GRIK4: variants seen among roughly 807,000 people sequenced by gnomAD.
GRIK4 encodes glutamate receptor ionotropic, kainate 4.
GRIK4 carries 40 observed loss-of-function variants against 104.9 expected under a neutral mutation model. The ratio of observed to expected loss-of-function variants is 0.38; its 90% CI spans 0.30 to 0.50. The LOEUF (loss-of-function observed/expected upper bound fraction) is 0.50. GRIK4 is among the 20% of genes least tolerant of loss of function. GRIK4 has a pLI of 0.93. For synonymous variants in GRIK4, 485 were observed against 524.9 expected (o/e 0.92, Z 1.04); for missense variants, 1,047 against 1,308.1 (o/e 0.80, Z 3.08).
intron 3 of GRIK4, among the ~76,000 whole-genome samples, chr11:120,766,953 A>G (rs1951851174): frequency 1.3e-5 from 2 of 152,142 alleles, no homozygotes; most frequent in African/African-American, 4.8e-5. Context: ...TTGTCTGCCA[A>G]TGGATATGTA....
At chr11:120,796,344 A>G (rs1190750706) in intron 3 of GRIK4, among the ~76,000 whole-genome samples, 7 of 152,130 alleles carry the variant, frequency 4.6e-5, no homozygotes, top group African/African-American at 1.7e-4. Context: ...CTTTTCCTGA[A>G]TATTTTCAAT....
intron 11 of GRIK4, among the ~76,000 whole-genome samples, chr11:120,892,747 T>C (rs1361324833): frequency 2.0e-5 from 3 of 152,178 alleles, no homozygotes; most frequent in Middle Eastern, 3.2e-3. Context: ...CATTCAGTTG[T>C]ACAGTCATCT....
Position 120,954,771 on chromosome 11 carries a change from C to G in GRIK4, c.1700+1807C>G, listed in dbSNP as rs189297649. Among the ~76,000 whole-genome samples, 886 of 145,258 alleles carry G rather than the reference C, an allele frequency of 6.1e-3. 10 individuals are homozygous for G. The highest frequency in any genetic ancestry group is 0.021 in the African/African-American group (839 of 39,346). Reference sequence around the variant, plus strand: ...TGCTAAAGGGCTAACCATACGGCCTCTCTCTCTCACTACACACACACACAC... The same window carrying G: ...TGCTAAAGGGCTAACCATACGGCCTGTCTCTCTCACTACACACACACACAC... On this transcript the variant is annotated intron_variant, in intron 15 of 20. Transcript: ENST00000527524.
At chr11:120,595,584 A>G (rs563970471) in intron 1 of GRIK4, among the ~76,000 whole-genome samples, 1 of 152,206 alleles carries the variant, frequency 6.6e-6, no homozygotes, top group African/African-American at 2.4e-5. Context: ...GACCTCTCAC[A>G]GTTTCTACTT....
chr11:120,731,748 G>T (rs940590268), intron 3 of GRIK4, among the ~76,000 whole-genome samples: 3 of 152,002 alleles, frequency 2.0e-5, no homozygotes, highest in Non-Finnish European at 4.4e-5. Flanking sequence ...CTTGTTATTG[G>T]TCTATTCAGG....
chr11:120,817,009 G>T (rs1037072856), intron 5 of GRIK4, among the ~76,000 whole-genome samples: 1 of 152,144 alleles, frequency 6.6e-6, no homozygotes, highest in African/African-American at 2.4e-5. Context: ...TCTTTCTTGC[G>T]GCACTCTGAG....
rs147139642 is a variant in GRIK4, at chr11:120,536,956, C to T, written c.-159+25069C>T. ...GGCGGCCAGGGGTTGAGGCCTAGGG[C>T]GTGCTCCCCATGCTCCACCCTGTGA... On this transcript the variant is annotated intron_variant, in intron 1 of 20. Transcript: ENST00000527524. Among the ~76,000 whole-genome samples, 872 of 152,330 alleles carry T rather than the reference C, an allele frequency of 5.7e-3. 12 individuals are homozygous for T. The highest frequency in any genetic ancestry group is 0.02 in the African/African-American group (823 of 41,566).
chr11:120,830,888 C>T (rs1015311999), intron 6 of GRIK4, among the ~76,000 whole-genome samples: 1 of 150,334 alleles, frequency 6.7e-6, no homozygotes, highest in Admixed American at 6.6e-5. Flanking sequence ...CATTTCCCTC[C>T]CCCACCCCAT....
At chr11:120,825,604 G>T (rs1046790360) in intron 6 of GRIK4, among the ~76,000 whole-genome samples, 1 of 152,184 alleles carries the variant, frequency 6.6e-6, no homozygotes, top group African/African-American at 2.4e-5. Context: ...GAGCAGACTT[G>T]GATCTCGAGG....
In GRIK4 at chr11:120,962,521, C is replaced by T. The variant is rs763030403; in HGVS notation, c.2106C>T (p.Phe702=). ...NYMYSKQPSV[F]VKSTEEGIAR... is the part of the protein sequence containing the mutation. ...TGTATTCCAAGCAGCCCAGCGTGTT[C>T]GTGAAGAGCACAGAGGAGGGAATCG... The change falls in exon 18 of 21, where the codon TTC becomes TTT. Residue 702 remains phenylalanine, a synonymous_variant. Transcript: ENST00000527524. 3.9e-5 allele frequency: 63 copies of T among 1,613,964 alleles called. No homozygotes were observed. Among genetic ancestry groups the T allele is most frequent in the Non-Finnish European group, 4.6e-5 (54 of 1,179,980 alleles).
rs373447952 is a variant in GRIK4, at chr11:120,874,074, G to A, written c.915G>A (p.Ser305=). 128 of 1,605,564 alleles carry A rather than the reference G, an allele frequency of 8.0e-5. 2 individuals are homozygous for A. In the East Asian group the frequency reaches 9.2e-4, roughly 12 times the overall value. ...TCCCCGGCCTCTCCCAGCTCTCCTC[G>A]GCCCTGCTGTTTGATGCTGTCTATG... ...HVPFTGPALS[S]ALLFDAVYAV... Residue 305 remains serine, a synonymous_variant, in exon 10 of 21, where the codon TCG becomes TCA. Transcript: ENST00000527524.
chr11:120,779,023 C>G (rs991377753), intron 3 of GRIK4, among the ~76,000 whole-genome samples: 1 of 152,146 alleles, frequency 6.6e-6, no homozygotes, highest in Non-Finnish European at 1.5e-5. Context: ...CTCCTGTCAG[C>G]TGGGGAGGTG....
intron 8 of GRIK4, among the ~76,000 whole-genome samples, chr11:120,852,163 A>G (rs1475864594): frequency 6.6e-6 from 1 of 152,234 alleles, no homozygotes; most frequent in Non-Finnish European, 1.5e-5. Flanking sequence ...CACACAGTTA[A>G]TAACTACTTA....
At chr11:120,596,702 G>A (rs1288906977) in intron 1 of GRIK4, among the ~76,000 whole-genome samples, 1 of 152,102 alleles carries the variant, frequency 6.6e-6, no homozygotes, top group Non-Finnish European at 1.5e-5. Context: ...GAGGGTCTGA[G>A]AAGGGGCTTC....
intron 3 of GRIK4, among the ~76,000 whole-genome samples, chr11:120,789,605 G>A (rs375714091): frequency 6.6e-6 from 1 of 151,964 alleles, no homozygotes; most frequent in African/African-American, 2.4e-5. Flanking sequence ...TGACGTCATC[G>A]CCTGTCGGAA....
At chr11:120,812,667 G>T (rs566662300) in intron 4 of GRIK4, among the ~76,000 whole-genome samples, 1 of 152,318 alleles carries the variant, frequency 6.6e-6, no homozygotes, top group African/African-American at 2.4e-5. Flanking sequence ...ACTAGTAAGT[G>T]ACAGAGACTC....
chr11:120,725,164 A>G (rs1177064486), intron 3 of GRIK4, among the ~76,000 whole-genome samples: 1 of 152,200 alleles, frequency 6.6e-6, no homozygotes, highest in African/African-American at 2.4e-5. Context: ...ATAGAAAGGG[A>G]ATTTTGATTT....
chr11:120,534,017 G>A (rs889012913), intron 1 of GRIK4, among the ~76,000 whole-genome samples: 3 of 152,202 alleles, frequency 2.0e-5, no homozygotes, highest in Admixed American at 6.5e-5. Context: ...GTGGAGGATG[G>A]TGGCCCTGAC....
chr11:120,964,942 A>G (rs370814644), intron 18 of GRIK4, among the ~76,000 whole-genome samples: 107 of 152,332 alleles, frequency 7.0e-4, no homozygotes, highest in African/African-American at 2.3e-3. Flanking sequence ...AATGGGTCCT[A>G]TCAGCTAGAA....
Sources: gnomAD v4.1 joint callset for allele counts (sites outside exome capture counted in the v4.1 genomes callset) on GRCh38, gnomAD v4.1.1 for gene constraint, MANE v1.5 for transcripts, NCBI Gene and HGNC (gene_info 2026-07-23, HGNC 2026-07-21) for gene names.